Variants in INSL6 observed in about 807,000 individuals in gnomAD.
The protein encoded by INSL6 is insulin like 6.
In INSL6, 16 loss-of-function variants were observed where a neutral mutation model predicts 9.4. That is an observed-to-expected ratio of 1.70 (90% CI 1.15 to 2.59). The LOEUF (loss-of-function observed/expected upper bound fraction) is 2.59, where lower values mean the gene tolerates loss of function less well. INSL6 is among the 30% of genes most tolerant of loss of function. The pLI is 0.00. For synonymous variants in INSL6, 154 were observed against 96.9 expected, an observed-to-expected ratio of 1.59 and a Z score of -3.46; for missense variants, 391 against 257.3, an observed-to-expected ratio of 1.52 and a Z score of -3.56.
chr9:5,063,953 T>C, the INSL6 span, among the ~76,000 whole-genome samples: 22 of 152,276 alleles, frequency 1.4e-4, 1 homozygote, highest in South Asian at 4.1e-4. Context: ...GTCAGGAATT[T>C]GAGACCAGCC....
At chr9:5,132,081 A>C (rs949862578) in intron 3 of INSL6, 1 of 152,194 alleles carries the variant, frequency 6.6e-6, no homozygotes, top group African/African-American at 2.4e-5. Context: ...GTTGACAAAG[A>C]AACTTGAAAC....
the INSL6 span, chr9:5,055,610 G>C: frequency 7.4e-7 from 1 of 1,342,716 alleles, no homozygotes. Flanking sequence ...CTTAAGTCTT[G>C]TTTTAAAATG....
intron 2 of INSL6, among the ~76,000 whole-genome samples, chr9:5,141,084 C>CATATATA (rs1824487315): frequency 6.6e-6 from 1 of 152,104 alleles, no homozygotes; most frequent in Non-Finnish European, 1.5e-5. Flanking sequence ...TGTATATGTA[C>CATATATA]CACATTTTTT....
chr9:5,092,559 T>C, the INSL6 span, among the ~76,000 whole-genome samples: 1 of 152,000 alleles, frequency 6.6e-6, no homozygotes, highest in Non-Finnish European at 1.5e-5. Context: ...GAATAGGCAA[T>C]AGAAATTCTT....
At chr9:5,066,052 A>G in the INSL6 span, among the ~76,000 whole-genome samples, 2 of 152,166 alleles carry the variant, frequency 1.3e-5, no homozygotes, top group Non-Finnish European at 2.9e-5. Flanking sequence ...ATTTATATTT[A>G]CTGAGTAACT....
the INSL6 span, among the ~76,000 whole-genome samples, chr9:5,033,247 G>A: frequency 6.6e-6 from 1 of 152,208 alleles, no homozygotes. Context: ...GGGACTATGT[G>A]AAAAGACCAA....
the INSL6 span, among the ~76,000 whole-genome samples, chr9:5,088,045 T>C: frequency 3.0e-4 from 45 of 152,220 alleles, no homozygotes; most frequent in African/African-American, 1.0e-3. Flanking sequence ...TTTCCTACTT[T>C]TGTTTTCTAA....
chr9:5,006,527 C>A, the INSL6 span, among the ~76,000 whole-genome samples: 1 of 152,136 alleles, frequency 6.6e-6, no homozygotes, highest in Admixed American at 6.5e-5. Context: ...TTAATTGACT[C>A]ATGGTTCCAT....
intron 2 of INSL6, among the ~76,000 whole-genome samples, chr9:5,141,810 C>T (rs542204346): frequency 5.9e-5 from 9 of 152,024 alleles, no homozygotes; most frequent in South Asian, 2.1e-4. Context: ...ATGTCCTGAA[C>T]GGTATTGCCT....
chr9:5,045,882 T>C, the INSL6 span, among the ~76,000 whole-genome samples: 1 of 152,196 alleles, frequency 6.6e-6, no homozygotes, highest in African/African-American at 2.4e-5. Context: ...GTCCCTGTTT[T>C]CAGTTCTTTT....
chr9:5,048,381 TC>T, the INSL6 span, among the ~76,000 whole-genome samples: 1 of 152,134 alleles, frequency 6.6e-6, no homozygotes, highest in African/African-American at 2.4e-5. Flanking sequence ...GACCTTGTCA[TC>T]TGCCTGCCTT....
chr9:5,110,058 C>T, the INSL6 span: 1 of 152,182 alleles, frequency 6.6e-6, no homozygotes, highest in Non-Finnish European at 1.5e-5. Flanking sequence ...ATGAGAGATT[C>T]AACAAGCATT....
the INSL6 span, among the ~76,000 whole-genome samples, chr9:5,021,686 G>A: frequency 3.3e-5 from 5 of 152,090 alleles, no homozygotes; most frequent in East Asian, 9.6e-4. Flanking sequence ...GAGTGCGGTG[G>A]AGTGCGGAGG....
chr9:5,052,995 T>C, the INSL6 span, among the ~76,000 whole-genome samples: 1 of 152,062 alleles, frequency 6.6e-6, no homozygotes, highest in Non-Finnish European at 1.5e-5. Context: ...TTTTTTCATT[T>C]TTTCTTGTGC....
chr9:5,018,120 T>G, the INSL6 span, among the ~76,000 whole-genome samples: 1 of 152,222 alleles, frequency 6.6e-6, no homozygotes, highest in Non-Finnish European at 1.5e-5. Context: ...ATGTGAAGGC[T>G]TATTCCTGTC....
At chr9:5,118,260 C>T in the INSL6 span, among the ~76,000 whole-genome samples, 2 of 152,190 alleles carry the variant, frequency 1.3e-5, no homozygotes, top group African/African-American at 4.8e-5. Context: ...AACTTTGTAT[C>T]ATTCCTTTTT....
intron 2 of INSL6, among the ~76,000 whole-genome samples, chr9:5,153,859 G>C (rs1824763673): frequency 1.3e-5 from 2 of 152,180 alleles, no homozygotes; most frequent in Non-Finnish European, 2.9e-5. Flanking sequence ...CATGCTCATG[G>C]ATAGAAAGAA....
the INSL6 span, chr9:5,111,240 T>G: frequency 1.8e-6 from 1 of 554,466 alleles, no homozygotes; most frequent in Non-Finnish European, 3.4e-6. Flanking sequence ...CTATTCCTCC[T>G]TTGGTAGAGA....
chr9:5,077,888 G>A, the INSL6 span, among the ~76,000 whole-genome samples: 48 of 152,000 alleles, frequency 3.2e-4, 1 homozygote, highest in Non-Finnish European at 1.5e-5. Flanking sequence ...CTGTATTTTT[G>A]GGCCATTGTA....
Sources: gnomAD v4.1 joint callset for allele counts (sites outside exome capture counted in the v4.1 genomes callset) on GRCh38, gnomAD v4.1.1 for gene constraint, MANE v1.5 for transcripts, NCBI Gene and HGNC (gene_info 2026-07-23, HGNC 2026-07-21) for gene names.